DCC: variants seen among roughly 807,000 people sequenced by gnomAD.
DCC encodes the protein DCC netrin 1 receptor.
Under a neutral mutation model 172.5 loss-of-function variants are expected in DCC, and 58 were observed. The observed-to-expected ratio is 0.34, with a 90% CI of 0.27 to 0.42. The LOEUF is 0.42. Ranked by LOEUF, DCC falls within the 10% of genes least tolerant of loss-of-function variation. DCC has a pLI of 1.00. For missense variants in DCC, 1,740 were observed against 1,791.0 expected (o/e 0.97, Z 0.51); for synonymous variants, 709 against 644.5 (o/e 1.10, Z -1.52).
intron 12 of DCC, among the ~76,000 whole-genome samples, chr18:53,299,309 C>T (rs2144766736): frequency 6.6e-6 from 1 of 152,278 alleles, no homozygotes; most frequent in African/African-American, 2.4e-5. Flanking sequence ...CTCTCTTTTG[C>T]ATGGTCTGAA....
chr18:53,070,563 G>C (rs982241863), intron 7 of DCC, among the ~76,000 whole-genome samples: 2 of 152,066 alleles, frequency 1.3e-5, no homozygotes, highest in Non-Finnish European at 2.9e-5. Context: ...GATTTGTTTA[G>C]GTCTATGTGA....
At chr18:52,577,601 G>A (rs936646530) in intron 1 of DCC, among the ~76,000 whole-genome samples, 1 of 152,028 alleles carries the variant, frequency 6.6e-6, no homozygotes, top group African/African-American at 2.4e-5. Flanking sequence ...ATAAAGTCTT[G>A]ACAGTTCTTT....
intron 27 of DCC, among the ~76,000 whole-genome samples, chr18:53,514,295 C>T (rs912988095): frequency 6.6e-6 from 1 of 151,918 alleles, no homozygotes; most frequent in African/African-American, 2.4e-5. Context: ...GGGACGCATT[C>T]AAAGCAGTGT....
intron 13 of DCC, among the ~76,000 whole-genome samples, chr18:53,314,171 G>A (rs185972440): frequency 1.7e-4 from 26 of 152,230 alleles, no homozygotes; most frequent in Admixed American, 9.2e-4. Context: ...ACAAATCACA[G>A]CATAGAAGCA....
intron 1 of DCC, among the ~76,000 whole-genome samples, chr18:52,475,621 G>A (rs1321804811): frequency 1.3e-5 from 2 of 152,056 alleles, no homozygotes; most frequent in East Asian, 1.9e-4. Flanking sequence ...AGACAGAAAG[G>A]GTTTTTGCCA....
intron 14 of DCC, among the ~76,000 whole-genome samples, chr18:53,327,951 G>A (rs1189368680): frequency 6.6e-6 from 1 of 152,150 alleles, no homozygotes; most frequent in Non-Finnish European, 1.5e-5. Context: ...ATGGACCAGT[G>A]GTACAGTAGC....
At chr18:52,748,043 G>T (rs2036935548) in intron 1 of DCC, among the ~76,000 whole-genome samples, 1 of 152,312 alleles carries the variant, frequency 6.6e-6, no homozygotes, top group East Asian at 1.9e-4. Context: ...CTCGTGCTAC[G>T]ACCCCTGATC....
At chr18:53,519,487 T>C (rs1191520323) in intron 27 of DCC, among the ~76,000 whole-genome samples, 3 of 151,538 alleles carry the variant, frequency 2.0e-5, no homozygotes, top group Admixed American at 1.3e-4. Flanking sequence ...TCTCACTAGC[T>C]CCCACCCAGC....
At chr18:53,313,312 C>T (rs190530254) in intron 13 of DCC, among the ~76,000 whole-genome samples, 3 of 152,098 alleles carry the variant, frequency 2.0e-5, no homozygotes, top group Non-Finnish European at 4.4e-5. Flanking sequence ...GCGGCACGAT[C>T]TCGTCTCACT....
chr18:53,436,324 A>G (rs1911937841), intron 22 of DCC, among the ~76,000 whole-genome samples: 1 of 152,182 alleles, frequency 6.6e-6, no homozygotes, highest in African/African-American at 2.4e-5. Context: ...ACAGTATTCT[A>G]TTTTATGAAA....
chr18:52,794,930 TATTG>T (rs1290528757), intron 2 of DCC, among the ~76,000 whole-genome samples: 1 of 152,078 alleles, frequency 6.6e-6, no homozygotes, highest in African/African-American at 2.4e-5. Flanking sequence ...GTATCTCATG[TATTG>T]ATTTATGTAC....
rs142429274 is a variant in DCC at position 52,519,455 on chromosome 18, G to C, written c.91+178577G>C. Among the ~76,000 whole-genome samples the C allele has an allele frequency of 2.0e-3, 310 of 151,730 alleles. 2 individuals are homozygous for C. The highest frequency in any genetic ancestry group is 7.1e-3 in the African/African-American group (295 of 41,326). On this transcript the variant is annotated intron_variant, in intron 1 of 28. Transcript: ENST00000442544. ...ATTTTGCTGATATAGGAGAAGAAAA[G>C]ATAACTGTGTTTTGAAAAGACATGT...
intron 1 of DCC, among the ~76,000 whole-genome samples, chr18:52,341,090 C>T (rs1349209869): frequency 6.6e-6 from 1 of 152,154 alleles, no homozygotes; most frequent in East Asian, 1.9e-4. Flanking sequence ...AGGGGCGCCC[C>T]TTCGCTGTTT....
intron 17 of DCC, among the ~76,000 whole-genome samples, chr18:53,396,804 G>A (rs1908973515): frequency 1.3e-5 from 2 of 151,990 alleles, no homozygotes; most frequent in South Asian, 2.1e-4. Context: ...TAAAACTTAT[G>A]CCAAAAAAAC....
chr18:53,196,256 T>G (rs1429569991), intron 9 of DCC, among the ~76,000 whole-genome samples: 3 of 152,202 alleles, frequency 2.0e-5, no homozygotes, highest in African/African-American at 7.2e-5. Flanking sequence ...TTGACATTAC[T>G]TAGAAATCAG....
chr18:52,675,876 G>A (rs1313291884), intron 1 of DCC, among the ~76,000 whole-genome samples: 1 of 152,204 alleles, frequency 6.6e-6, no homozygotes, highest in East Asian at 1.9e-4. Context: ...ATAAGTAAAA[G>A]AGGACTAGAA....
intron 4 of DCC, among the ~76,000 whole-genome samples, chr18:52,924,062 A>G (rs1296147396): frequency 6.6e-6 from 1 of 152,150 alleles, no homozygotes; most frequent in Non-Finnish European, 1.5e-5. Flanking sequence ...ATCAAAATCC[A>G]TGGGATCAAT....
chr18:53,504,791 G>A (rs555015402), intron 27 of DCC, among the ~76,000 whole-genome samples: 87 of 152,268 alleles, frequency 5.7e-4, no homozygotes, highest in African/African-American at 1.8e-3. Flanking sequence ...GTCATTATGC[G>A]TAAGCCAAGT....
chr18:53,225,353 A>G (rs73957109), intron 12 of DCC, among the ~76,000 whole-genome samples: 3,348 of 152,252 alleles, frequency 0.022, 136 homozygotes, highest in African/African-American at 0.077. Flanking sequence ...ATTTTTGAAC[A>G]TGAGAGATAA....
Sources: allele counts gnomAD v4.1 joint callset (sites outside exome capture counted in the v4.1 genomes callset), GRCh38; gene constraint gnomAD v4.1.1; transcripts MANE v1.5; gene names NCBI Gene and HGNC (gene_info 2026-07-23, HGNC 2026-07-21).